GRM7: variants seen among roughly 807,000 people sequenced by gnomAD.
GRM7 encodes glutamate metabotropic receptor 7, also known as metabotropic glutamate receptor 7.
GRM7 carries 35 observed loss-of-function variants against 84.5 expected under a neutral mutation model. That is an observed-to-expected ratio of 0.41 (90% CI 0.32 to 0.55). The LOEUF (loss-of-function observed/expected upper bound fraction) is 0.55. Ranked by LOEUF, GRM7 falls within the 20% of genes least tolerant of loss-of-function variation. The pLI, the probability that GRM7 is intolerant of heterozygous loss-of-function variation, is 0.19. For missense variants in GRM7, 1,003 were observed against 1,194.6 expected, an observed-to-expected ratio of 0.84 and a Z score of 2.36; for synonymous variants, 487 against 455.1, an observed-to-expected ratio of 1.07 and a Z score of -0.89.
chr3:7,360,125 T>C (rs1292773115), intron 4 of GRM7, among the ~76,000 whole-genome samples: 2 of 129,912 alleles, frequency 1.5e-5, no homozygotes, highest in East Asian at 2.1e-4. Context: ...TCTCCCCCCC[T>C]TTTTTTTCCC....
At chr3:6,986,503 T>G (rs569544795) in intron 1 of GRM7, among the ~76,000 whole-genome samples, 1 of 152,344 alleles carries the variant, frequency 6.6e-6, no homozygotes, top group South Asian at 2.1e-4. Context: ...TGAAATGGAT[T>G]GTTTTCCTAA....
rs144224816 is a variant in GRM7 at position 7,428,199 on chromosome 3, G to A, written c.1174+13036G>A. 5.4e-3 allele frequency among the ~76,000 whole-genome samples: 826 copies of A among 152,270 alleles called. 9 individuals carry two copies. Among genetic ancestry groups the A allele is most frequent in the African/African-American group, 0.018 (759 of 41,550 alleles). On this transcript the variant is annotated intron_variant, in intron 5 of 9. Coordinates refer to ENST00000357716, the MANE Select transcript of GRM7 (RefSeq NM_000844.4). ...GTGCTTTTTTGAGTTGGTCCACCAA[G>A]GAGTGTGTCTCTGCCATTCAATGAC...
chr3:7,515,264 C>T (rs1364715085), intron 7 of GRM7, among the ~76,000 whole-genome samples: 1 of 147,428 alleles, frequency 6.8e-6, no homozygotes, highest in Non-Finnish European at 1.5e-5. Context: ...AGTTTCTTAA[C>T]TTCAGGACTA....
chr3:7,508,612 A>G (rs1471381480), intron 7 of GRM7, among the ~76,000 whole-genome samples: 3 of 152,152 alleles, frequency 2.0e-5, no homozygotes, highest in Non-Finnish European at 4.4e-5. Context: ...ATATATTCCC[A>G]AGGGTATCTT....
chr3:7,240,120 GTTT>G (rs397988598), intron 2 of GRM7, among the ~76,000 whole-genome samples: 23 of 52,726 alleles, frequency 4.4e-4, no homozygotes, highest in African/African-American at 1.3e-3. Context: ...AGCATGTGAG[GTTT>G]TTTTTTTTTT....
chr3:7,328,476 G>T (rs879742614), intron 4 of GRM7, among the ~76,000 whole-genome samples: 3 of 152,168 alleles, frequency 2.0e-5, no homozygotes, highest in Admixed American at 6.5e-5. Context: ...GCTAGCAATA[G>T]CACAGCCCTT....
chr3:7,603,988 T>C (rs1403871277), intron 8 of GRM7, among the ~76,000 whole-genome samples: 1 of 152,156 alleles, frequency 6.6e-6, no homozygotes, highest in Non-Finnish European at 1.5e-5. Context: ...CAATTGGACT[T>C]TCTAAATATA....
At chr3:7,456,295 T>C (rs981883003) in intron 6 of GRM7, among the ~76,000 whole-genome samples, 4 of 152,296 alleles carry the variant, frequency 2.6e-5, no homozygotes, top group African/African-American at 9.6e-5. Context: ...TTTGTCTAGA[T>C]GGTCTTGTCT....
At chr3:7,326,244 C>A (rs529827474) in intron 4 of GRM7, among the ~76,000 whole-genome samples, 39 of 151,362 alleles carry the variant, frequency 2.6e-4, no homozygotes, top group African/African-American at 9.0e-4. Flanking sequence ...TACAAGGAGG[C>A]CTCTTTAAAG....
intron 1 of GRM7, among the ~76,000 whole-genome samples, chr3:6,963,766 A>G (rs1693393728): frequency 6.6e-6 from 1 of 152,176 alleles, no homozygotes; most frequent in Non-Finnish European, 1.5e-5. Flanking sequence ...TAGTGGTGTG[A>G]CTTACATGAA....
intron 2 of GRM7, among the ~76,000 whole-genome samples, chr3:7,285,584 A>G (rs913822450): frequency 6.6e-6 from 1 of 152,120 alleles, no homozygotes. Context: ...TGGGGATAAA[A>G]TGTTGCATGT....
intron 9 of GRM7, among the ~76,000 whole-genome samples, chr3:7,688,309 A>C (rs1700663997): frequency 6.6e-6 from 1 of 152,172 alleles, no homozygotes; most frequent in South Asian, 2.1e-4. Flanking sequence ...GAGATAAAGC[A>C]ATGAGGTCAC....
intron 4 of GRM7, among the ~76,000 whole-genome samples, chr3:7,406,703 C>G (rs1695694883): frequency 6.6e-6 from 1 of 152,170 alleles, no homozygotes; most frequent in African/African-American, 2.4e-5. Context: ...TAGAATGCAT[C>G]TCACATTGCT....
rs773454074 is a variant in GRM7, at chr3:7,407,428, A to G, written c.1034-7595A>G. Among the ~76,000 whole-genome samples the G allele has an allele frequency of 6.4e-4, 98 of 152,332 alleles. 1 individual carries two copies. Among genetic ancestry groups the G allele is most frequent in the Non-Finnish European group, 5.9e-5 (4 of 68,040 alleles). ...CTGCACATAGCATAGGAAAATGATA[A>G]GAGGCTTTCAAGGGTAGAGGGTTGT... On this transcript the variant is annotated intron_variant, in intron 4 of 9. Coordinates refer to ENST00000357716, the MANE Select transcript of GRM7 (RefSeq NM_000844.4).
At chr3:7,111,580 T>C (rs1381797201) in intron 1 of GRM7, among the ~76,000 whole-genome samples, 1 of 152,074 alleles carries the variant, frequency 6.6e-6, no homozygotes, top group Non-Finnish European at 1.5e-5. Flanking sequence ...GGAGCAGAGG[T>C]TCAGCTGAAA....
intron 7 of GRM7, among the ~76,000 whole-genome samples, chr3:7,502,069 C>T (rs981266481): frequency 1.3e-5 from 2 of 152,156 alleles, no homozygotes; most frequent in Non-Finnish European, 1.5e-5. Context: ...CTGCCTGCTG[C>T]GTATAAATTT....
chr3:7,041,116 A>G (rs1375368862), intron 1 of GRM7, among the ~76,000 whole-genome samples: 1 of 151,702 alleles, frequency 6.6e-6, no homozygotes, highest in Non-Finnish European at 1.5e-5. Context: ...TGGTGATTGC[A>G]TGTTAAAAAT....
intron 1 of GRM7, among the ~76,000 whole-genome samples, chr3:6,905,006 A>C (rs1272940870): frequency 6.6e-6 from 1 of 152,256 alleles, no homozygotes; most frequent in African/African-American, 2.4e-5. Flanking sequence ...GGCACAAGCT[A>C]TCACACTTGG....
rs576425087 is a variant in GRM7, at chr3:7,130,939, TCA to T, written c.520-15493_520-15492del. ...TTACAGGAGGTATTTCTTCACTCAC[TCA>T]CACACACACACACACACACGCACAC... On this transcript the variant is annotated intron_variant, in intron 1 of 9. Coordinates refer to ENST00000357716, the MANE Select transcript of GRM7 (RefSeq NM_000844.4). Among the ~76,000 whole-genome samples the T allele has an allele frequency of 4.0e-3, 599 of 148,394 alleles. 3 individuals are homozygous for T. The highest frequency in any genetic ancestry group is 0.012 in the African/African-American group (492 of 40,796).
Sources: allele counts gnomAD v4.1 joint callset (sites outside exome capture counted in the v4.1 genomes callset), GRCh38; gene constraint gnomAD v4.1.1; transcripts MANE v1.5; gene names NCBI Gene and HGNC (gene_info 2026-07-23, HGNC 2026-07-21).